DNAH8: variants seen among roughly 807,000 people sequenced by gnomAD.
DNAH8 encodes dynein axonemal heavy chain 8.
A neutral mutation model predicts 562.1 loss-of-function variants in DNAH8; 382 were observed. The ratio of observed to expected loss-of-function variants is 0.68; its 90% CI spans 0.63 to 0.74. DNAH8 has a LOEUF of 0.74. Among genes scored for constraint, DNAH8 ranks in the 30% least tolerant of loss-of-function variants. The pLI, the probability that DNAH8 is intolerant of heterozygous loss-of-function variation, is 0.00. For synonymous variants in DNAH8, 1,881 were observed against 1,919.4 expected (o/e 0.98, Z 0.52); for missense variants, 5,203 against 5,620.4 (o/e 0.93, Z 2.37).
chr6:38,868,827 T>C (rs1483515435), intron 48 of DNAH8, among the ~76,000 whole-genome samples: 5 of 151,994 alleles, frequency 3.3e-5, no homozygotes, highest in African/African-American at 1.2e-4. Flanking sequence ...CACACCACCA[T>C]GCCTGGCTAA....
chr6:38,968,839 C>G (rs538097848), intron 82 of DNAH8, among the ~76,000 whole-genome samples: 14 of 152,232 alleles, frequency 9.2e-5, no homozygotes, highest in African/African-American at 2.6e-4. Flanking sequence ...TATGTGAATG[C>G]TCATAGCAGC....
intron 70 of DNAH8, 30 bp downstream of exon 70, chr6:38,918,170 T>C: frequency 6.7e-7 from 1 of 1,486,716 alleles, no homozygotes; most frequent in African/African-American, 1.4e-5. Context: ...TCCCAGTAAA[T>C]CAATATTTCA....
Position 38,954,423 on chromosome 6 carries a change from G to GCATCTCATTAAAATT in DNAH8, c.12451+2903_12451+2904insCATCTCATTAAAATT, listed in dbSNP as rs1583447798. Reference sequence around the variant, plus strand: ...CTCATAATTATAGTAATAAATTACAGGCCGGGCGCGGTGGCTCACGCCTGT... The same window carrying GCATCTCATTAAAATT: ...CTCATAATTATAGTAATAAATTACAGCATCTCATTAAAATTGCCGGGCGCGGTGGCTCACGCCTGT... On this transcript the variant is annotated intron_variant, in intron 82 of 92. Coordinates refer to ENST00000327475, the MANE Select transcript of DNAH8 (RefSeq NM_001206927.2). Among the ~76,000 whole-genome samples the GCATCTCATTAAAATT allele has an allele frequency of 9.5e-3, 366 of 38,528 alleles. 105 individuals carry two copies. The highest frequency in any genetic ancestry group is 0.026 in the Middle Eastern group (2 of 78). 25.3% of individuals were successfully genotyped at this position (38,528 alleles called of 152,430 possible).
intron 58 of DNAH8, among the ~76,000 whole-genome samples, chr6:38,891,149 T>G (rs577112934): frequency 1.0e-3 from 158 of 152,332 alleles, no homozygotes; most frequent in African/African-American, 3.2e-3. Context: ...TTCCAGATAT[T>G]CTCAGCCAAC....
intron 88 of DNAH8, 146 bp downstream of exon 88, chr6:38,990,318 A>G (rs896796889): frequency 3.3e-5 from 21 of 628,140 alleles, no homozygotes; most frequent in Non-Finnish European, 5.2e-5. Context: ...CTGTCTCCCA[A>G]TTACAACTTT....
intron 66 of DNAH8, among the ~76,000 whole-genome samples, chr6:38,912,703 CAG>C (rs1385125227): frequency 6.6e-6 from 1 of 152,054 alleles, no homozygotes; most frequent in East Asian, 1.9e-4. Flanking sequence ...CCTTGTTAAA[CAG>C]AACTTTTATT....
chr6:38,748,857 TGGA>T (rs1765182232), intron 8 of DNAH8, among the ~76,000 whole-genome samples: 2 of 151,724 alleles, frequency 1.3e-5, no homozygotes, highest in South Asian at 4.1e-4. Context: ...TGATCAACTT[TGGA>T]TAAAGACTTA....
At chr6:38,834,528 AC>A (rs772175560) in intron 31 of DNAH8, 50 bp from the exon 32 acceptor site, 12 of 1,291,028 alleles carry the variant, frequency 9.3e-6, no homozygotes, top group Non-Finnish European at 1.3e-5. Context: ...CAATAAACTG[AC>A]AAATACATAT....
At position 39,008,571 on chromosome 6, in the gene DNAH8, C is replaced by A. The variant is rs190292962; in HGVS notation, c.13215-243C>A. ...TGGATTTCCAAGGGTGTTTTTGGGT[C>A]TCTTTCCTTGAAGATGGAGAGTGTT... On this transcript the variant is annotated intron_variant, in intron 88 of 92. Transcript: ENST00000327475. Among the ~76,000 whole-genome samples the A allele has an allele frequency of 2.6e-5, 4 of 152,134 alleles. No individual in the cohort carries two copies. In the East Asian group the frequency reaches 7.7e-4, roughly 29 times the overall value.
In DNAH8 at chr6:38,872,571, G is replaced by A. The variant is rs1777549388; in HGVS notation, c.7026G>A (p.Met2342Ile). 1 of 1,613,932 alleles carries A rather than the reference G, an allele frequency of 6.2e-7. No homozygotes were observed. The highest frequency in any genetic ancestry group is 1.3e-5 in the African/African-American group (1 of 74,918). Residue 2342 changes from methionine to isoleucine, a missense_variant, in exon 50 of 93, where the codon ATG becomes ATA. Coordinates refer to ENST00000327475, the MANE Select transcript of DNAH8 (RefSeq NM_001206927.2). The stretch of plus-strand genomic sequence containing the variant: ...CGTCTTTGGTACGGCATGGCTTGAT[G>A]ACTCTTGGGCCCAGTGGTTCTGGAA... ...YETSLVRHGLMTLGPSGSGKT... is the reference protein window; with the variant it reads ...YETSLVRHGLITLGPSGSGKT...
intron 9 of DNAH8, among the ~76,000 whole-genome samples, 169 bp from the exon 10 acceptor site, chr6:38,755,803 T>C (rs1007399638): frequency 2.6e-5 from 4 of 152,208 alleles, no homozygotes; most frequent in African/African-American, 9.6e-5. Context: ...TGTCCTGTTA[T>C]CTGTTCCAGG....
intron 82 of DNAH8, among the ~76,000 whole-genome samples, chr6:38,955,871 C>G (rs868567867): frequency 6.6e-6 from 1 of 152,298 alleles, no homozygotes; most frequent in Middle Eastern, 3.4e-3. Context: ...TTTGAGAGCA[C>G]AAACTGACAC....
chr6:38,924,878 T>G (rs1781986456), intron 73 of DNAH8: 1 of 152,230 alleles, frequency 6.6e-6, no homozygotes, highest in South Asian at 2.1e-4. Flanking sequence ...CATGTTCTGG[T>G]GACCCTAAGT....
At chr6:38,871,706 C>G (rs1777477208) in intron 49 of DNAH8, among the ~76,000 whole-genome samples, 1 of 152,148 alleles carries the variant, frequency 6.6e-6, no homozygotes, top group Admixed American at 6.5e-5. Flanking sequence ...CCTCGAATCT[C>G]TTGTACCATT....
chr6:38,975,980 A>G (rs940909012), intron 85 of DNAH8, among the ~76,000 whole-genome samples: 10 of 152,368 alleles, frequency 6.6e-5, no homozygotes, highest in Admixed American at 2.0e-4. Context: ...CAACAGGACC[A>G]TGGTCCAGCC....
intron 3 of DNAH8, among the ~76,000 whole-genome samples, chr6:38,726,354 A>G (rs1012355365): frequency 2.0e-5 from 3 of 152,208 alleles, no homozygotes; most frequent in African/African-American, 4.8e-5. Flanking sequence ...AGTATTTGCC[A>G]TCTGTATTTC....
At chr6:38,949,168 G>A (rs1055110952) in intron 80 of DNAH8, among the ~76,000 whole-genome samples, 1 of 152,176 alleles carries the variant, frequency 6.6e-6, no homozygotes, top group African/African-American at 2.4e-5. Flanking sequence ...TACCAAGCTT[G>A]AGAAACCTTG....
chr6:38,803,568 A>AT (rs1317058423), intron 22 of DNAH8, among the ~76,000 whole-genome samples: 1 of 149,102 alleles, frequency 6.7e-6, no homozygotes, highest in African/African-American at 2.5e-5. Context: ...CTTCCTATGG[A>AT]TAGCAGTCTC....
At position 38,786,631 on chromosome 6, in the gene DNAH8, G is replaced by A. The variant is rs989998833; in HGVS notation, c.2396-134G>A. The A allele has an allele frequency of 1.2e-5, 10 of 802,750 alleles. No individual in the cohort carries two copies. In the African/African-American group the frequency reaches 1.6e-4, roughly 13 times the overall value. 49.7% of individuals were successfully genotyped at this position (802,750 alleles called of 1,614,324 possible). A position where few individuals can be genotyped will look rare whatever the true frequency, so the allele number is the denominator to read the frequency against. Reference sequence around the variant, plus strand: ...ACTATGTGCCAGACGCTGTGCCTTAGCACCTGGGGCATCCAAAACATTTCC... The same window carrying A: ...ACTATGTGCCAGACGCTGTGCCTTAACACCTGGGGCATCCAAAACATTTCC... On this transcript the variant is annotated intron_variant, in intron 17 of 92. Coordinates refer to ENST00000327475, the MANE Select transcript of DNAH8 (RefSeq NM_001206927.2).
Sources: allele counts gnomAD v4.1 joint callset (sites outside exome capture counted in the v4.1 genomes callset), GRCh38; gene constraint gnomAD v4.1.1; transcripts MANE v1.5; gene names NCBI Gene and HGNC (gene_info 2026-07-23, HGNC 2026-07-21).